The following TUSC3 variants were observed in gnomAD, a reference collection of about 807,000 sequenced individuals.
The protein encoded by TUSC3 is tumor suppressor candidate 3.
TUSC3 carries 45 observed loss-of-function variants against 44.8 expected under a neutral mutation model. That is an observed-to-expected ratio of 1.00 (90% CI 0.79 to 1.29). The LOEUF is 1.29. TUSC3 is among the 50% of genes most tolerant of loss of function. The probability of loss-of-function intolerance (pLI) is 0.00; values close to 1 mark genes in which losing one functional copy is unlikely to be tolerated. For missense variants in TUSC3, 519 were observed against 437.9 expected (o/e 1.19, Z -1.65); for synonymous variants, 212 against 152.9 (o/e 1.39, Z -2.85).
chr8:15,699,208 A>G (rs78398466), intron 6 of TUSC3, among the ~76,000 whole-genome samples: 3,485 of 152,334 alleles, frequency 0.023, 130 homozygotes, highest in African/African-American at 0.077. Context: ...ATAACTAGCA[A>G]TCATTTAACT....
intron 9 of TUSC3, among the ~76,000 whole-genome samples, chr8:15,755,578 T>G (rs1015516705): frequency 4.6e-5 from 7 of 152,042 alleles, no homozygotes; most frequent in Non-Finnish European, 1.0e-4. Context: ...GAATTTGATC[T>G]AATTACCATC....
At chr8:15,667,832 A>G (rs1447147219) in intron 5 of TUSC3, among the ~76,000 whole-genome samples, 1 of 151,812 alleles carries the variant, frequency 6.6e-6, no homozygotes, top group Non-Finnish European at 1.5e-5. Context: ...TTCGTTGTAT[A>G]GAATAGTTAA....
In TUSC3 at chr8:15,764,764, G is replaced by C. The variant is rs1470132860; in HGVS notation, c.*608G>C. ...AATTTGGATGCCTAACCAAGGACTA[G>C]AGCTCCTTCTTGAGATCTAAATCTA... On this transcript the variant is annotated 3_prime_UTR_variant, in exon 11 of 11. Transcript: ENST00000503731. The C allele has an allele frequency of 1.3e-5, 2 of 152,602 alleles. No homozygotes were observed. Among genetic ancestry groups the C allele is most frequent in the African/African-American group, 4.8e-5 (2 of 41,420 alleles). The allele number at this position is 152,602 out of a possible 1,614,324, so 9.5% of individuals were successfully genotyped here.
intron 9 of TUSC3, among the ~76,000 whole-genome samples, chr8:15,754,016 T>TA (rs1428508243): frequency 6.6e-6 from 1 of 152,060 alleles, no homozygotes; most frequent in Non-Finnish European, 1.5e-5. Context: ...GTGGTGAACA[T>TA]AGCACCACGT....
At chr8:15,589,936 T>A (rs937780271) in intron 1 of TUSC3, among the ~76,000 whole-genome samples, 5 of 152,216 alleles carry the variant, frequency 3.3e-5, no homozygotes, top group African/African-American at 9.6e-5. Flanking sequence ...CAACTTCAGC[T>A]TAACTTAATG....
chr8:15,426,306 C>T (rs1336868672), intron 1 of TUSC3, among the ~76,000 whole-genome samples: 8 of 152,100 alleles, frequency 5.3e-5, no homozygotes, highest in Non-Finnish European at 1.0e-4. Context: ...TCCAAAATAC[C>T]ATATTGTTAA....
intron 1 of TUSC3, among the ~76,000 whole-genome samples, chr8:15,458,899 A>G (rs1800301239): frequency 6.6e-6 from 1 of 152,278 alleles, no homozygotes; most frequent in Non-Finnish European, 1.5e-5. Context: ...AAGCTCCTCT[A>G]CTTTTGAAAG....
chr8:15,514,273 A>G (rs1169664859), intron 2 of TUSC3, among the ~76,000 whole-genome samples: 1 of 152,192 alleles, frequency 6.6e-6, no homozygotes, highest in Non-Finnish European at 1.5e-5. Flanking sequence ...CTGACAAAAT[A>G]GATGTTTTAT....
At chr8:15,451,218 T>C (rs535061895) in intron 1 of TUSC3, among the ~76,000 whole-genome samples, 2 of 152,318 alleles carry the variant, frequency 1.3e-5, no homozygotes, top group Admixed American at 1.3e-4. Flanking sequence ...ATGTTACTTA[T>C]ATCTATATTT....
At chr8:15,612,170 GAGTACCTGCTATTCAGATAGC>G in intron 1 of TUSC3, among the ~76,000 whole-genome samples, 1 of 152,042 alleles carries the variant, frequency 6.6e-6, no homozygotes, top group East Asian at 1.9e-4. Context: ...CTATTTTGAT[GAGTACCTGCTATTCAGATAGC>G]AGGTACCTGA....
intron 9 of TUSC3, among the ~76,000 whole-genome samples, chr8:15,756,313 T>C (rs1811926681): frequency 6.6e-6 from 1 of 152,196 alleles, no homozygotes; most frequent in Non-Finnish European, 1.5e-5. Context: ...TCTTAATCTG[T>C]AAACTTGGTA....
chr8:15,423,128 A>C lies in TUSC3; in HGVS notation n.91+5823A>C, dbSNP rs1585781577. On this transcript the variant is annotated intron_variant and non_coding_transcript_variant, in intron 1 of 5. Coordinates refer to the TUSC3 transcript ENST00000503191. ...AAAAAGTGTTTCTTAGTTTCTTATA[A>C]TGTTGGACCTTTCCATTTTCACTAC... 5.9e-5 allele frequency among the ~76,000 whole-genome samples: 9 copies of C among 152,290 alleles called. No homozygotes were observed. The South Asian group carries it at 1.9e-3, about 32-fold the overall frequency.
At chr8:15,806,800 A>C in the TUSC3 span, 1 of 846,856 alleles carries the variant, frequency 1.2e-6, no homozygotes, top group South Asian at 1.5e-5. Context: ...GCGGATTTGC[A>C]ATTTGTGAAG....
intron 1 of TUSC3, among the ~76,000 whole-genome samples, chr8:15,473,696 T>C (rs1364008656): frequency 1.3e-5 from 2 of 152,018 alleles, no homozygotes; most frequent in East Asian, 1.9e-4. Context: ...GACTTCAAAA[T>C]GGGAGGGGGT....
chr8:15,670,623 G>A (rs2129182555), intron 5 of TUSC3, among the ~76,000 whole-genome samples: 1 of 151,864 alleles, frequency 6.6e-6, no homozygotes, highest in East Asian at 1.9e-4. Context: ...TTGGTGGGTG[G>A]GCAAAGATTT....
intron 1 of TUSC3, among the ~76,000 whole-genome samples, chr8:15,470,255 T>A: frequency 7.8e-6 from 1 of 127,732 alleles, no homozygotes; most frequent in South Asian, 2.5e-4. Context: ...AAAGACCCTG[T>A]CTCAAAAAAA....
At chr8:15,451,530 G>T (rs1403173790) in intron 1 of TUSC3, among the ~76,000 whole-genome samples, 2 of 152,134 alleles carry the variant, frequency 1.3e-5, no homozygotes, top group Non-Finnish European at 2.9e-5. Context: ...ACACTTGGAG[G>T]TGCTGGGACA....
intron 1 of TUSC3, among the ~76,000 whole-genome samples, chr8:15,588,778 T>A (rs1803702308): frequency 6.6e-6 from 1 of 152,086 alleles, no homozygotes; most frequent in Admixed American, 6.6e-5. Context: ...GGATGGATAG[T>A]CAGTTTTCCC....
At chr8:15,562,022 T>C (rs1802493179) in intron 1 of TUSC3, among the ~76,000 whole-genome samples, 1 of 152,158 alleles carries the variant, frequency 6.6e-6, no homozygotes, top group African/African-American at 2.4e-5. Context: ...CCATCTTGGC[T>C]CCTCTCTTCA....
Sources: gnomAD v4.1 joint callset for allele counts (sites outside exome capture counted in the v4.1 genomes callset) on GRCh38, gnomAD v4.1.1 for gene constraint, MANE v1.5 for transcripts, NCBI Gene and HGNC (gene_info 2026-07-23, HGNC 2026-07-21) for gene names.